Variants in RNF2 observed in about 807,000 individuals in gnomAD.
RNF2 encodes ring finger protein 2, also known as E3 ubiquitin-protein ligase RING2.
Under a neutral mutation model 37.2 loss-of-function variants are expected in RNF2, and 6 were observed. The observed-to-expected ratio is 0.16, with a 90% confidence interval of 0.09 to 0.32. The LOEUF is 0.32. Among genes scored for constraint, RNF2 ranks in the 10% least tolerant of loss-of-function variants. The pLI, the probability that RNF2 is intolerant of heterozygous loss-of-function variation, is 1.00. For missense variants in RNF2, 251 were observed against 404.0 expected, an observed-to-expected ratio of 0.62 and a Z score of 3.25; for synonymous variants, 133 against 132.7, an observed-to-expected ratio of 1.00 and a Z score of -0.02.
chr1:185,062,700 A>T (rs1650646422), intron 1 of RNF2, among the ~76,000 whole-genome samples: 1 of 152,168 alleles, frequency 6.6e-6, no homozygotes. Flanking sequence ...AAACTGGGGA[A>T]AATTAACACT....
chr1:185,054,849 C>T (rs1386471156), intron 1 of RNF2, among the ~76,000 whole-genome samples: 1 of 152,100 alleles, frequency 6.6e-6, no homozygotes, highest in African/African-American at 2.4e-5. Flanking sequence ...AGGCGGGCGC[C>T]GCCACGCCCG....
chr1:185,060,279 C>T (rs1373935782), intron 1 of RNF2, among the ~76,000 whole-genome samples: 1 of 152,136 alleles, frequency 6.6e-6, no homozygotes, highest in Non-Finnish European at 1.5e-5. Flanking sequence ...ATACAGATAA[C>T]TGATCTGTAT....
chr1:185,095,533 C>G (rs542611575), intron 4 of RNF2, among the ~76,000 whole-genome samples: 30 of 152,286 alleles, frequency 2.0e-4, no homozygotes, highest in Non-Finnish European at 3.8e-4. Flanking sequence ...ACGTATCACT[C>G]TCTCATGTGT....
chr1:185,047,329 A>G (rs1171924622), intron 1 of RNF2, among the ~76,000 whole-genome samples: 3 of 152,262 alleles, frequency 2.0e-5, no homozygotes, highest in African/African-American at 4.8e-5. Flanking sequence ...AATCACTAAC[A>G]TAATGTAGAC....
chr1:185,093,871 T>G (rs2102202783), intron 4 of RNF2, among the ~76,000 whole-genome samples: 1 of 152,334 alleles, frequency 6.6e-6, no homozygotes, highest in East Asian at 1.9e-4. Context: ...GTTTCTCTTT[T>G]CAATACAAAA....
chr1:185,067,836 G>C (rs1014158882), intron 1 of RNF2, among the ~76,000 whole-genome samples: 4 of 149,572 alleles, frequency 2.7e-5, no homozygotes, highest in African/African-American at 7.4e-5. Context: ...TCAGCCTCTC[G>C]AGTAGCTGGG....
intron 1 of RNF2, among the ~76,000 whole-genome samples, chr1:185,052,803 C>G (rs994324773): frequency 2.6e-5 from 4 of 152,150 alleles, no homozygotes; most frequent in Non-Finnish European, 4.4e-5. Context: ...GGGCAAATAT[C>G]AGCTGGGGAT....
intron 1 of RNF2, among the ~76,000 whole-genome samples, chr1:185,057,795 C>T (rs1429966141): frequency 6.8e-6 from 1 of 146,088 alleles, no homozygotes; most frequent in East Asian, 2.1e-4. Flanking sequence ...TGGAAAATTA[C>T]TCTAAAGGGG....
At chr1:185,084,988 T>G (rs1392952444) in intron 1 of RNF2, among the ~76,000 whole-genome samples, 2 of 152,142 alleles carry the variant, frequency 1.3e-5, no homozygotes, top group African/African-American at 2.4e-5. Flanking sequence ...GCCCACATCG[T>G]CTGCTGGACC....
At chr1:185,082,481 C>G (rs1458168610) in intron 1 of RNF2, among the ~76,000 whole-genome samples, 1 of 151,700 alleles carries the variant, frequency 6.6e-6, no homozygotes, top group East Asian at 1.9e-4. Flanking sequence ...CCCCCAGTAG[C>G]TGGGATTACA....
intron 1 of RNF2, among the ~76,000 whole-genome samples, chr1:185,051,618 A>G (rs372003275): frequency 1.1e-4 from 16 of 152,020 alleles, no homozygotes; most frequent in African/African-American, 2.9e-4. Flanking sequence ...TTGAGTTTCT[A>G]TATTTAAAAA....
At chr1:185,068,795 A>G (rs771788985) in intron 1 of RNF2, among the ~76,000 whole-genome samples, 3 of 152,244 alleles carry the variant, frequency 2.0e-5, no homozygotes, top group Non-Finnish European at 4.4e-5. Context: ...GGACATTTCT[A>G]AGTAACTCAG....
intron 1 of RNF2, among the ~76,000 whole-genome samples, chr1:185,082,635 G>A (rs1022545815): frequency 3.9e-5 from 6 of 151,960 alleles, no homozygotes; most frequent in Admixed American, 2.0e-4. Context: ...GGTTACAGGC[G>A]TGAGCCACCG....
chr1:185,067,870 C>A (rs1057394241), intron 1 of RNF2, among the ~76,000 whole-genome samples: 1 of 150,084 alleles, frequency 6.7e-6, no homozygotes. Context: ...GCCACCACGC[C>A]CAGCTAATTT....
At chr1:185,071,104 A>C (rs1410027878) in intron 1 of RNF2, among the ~76,000 whole-genome samples, 2 of 152,196 alleles carry the variant, frequency 1.3e-5, no homozygotes, top group African/African-American at 2.4e-5. Context: ...GTAGGCAGTG[A>C]GGCAAATGGT....
intron 1 of RNF2, among the ~76,000 whole-genome samples, chr1:185,064,568 T>A (rs1318564195): frequency 6.6e-6 from 1 of 152,256 alleles, no homozygotes; most frequent in African/African-American, 2.4e-5. Context: ...GAAAACACTT[T>A]AAGCTTATAT....
In RNF2 at chr1:185,077,274, G is replaced by A. The variant is rs1421898672; in HGVS notation, c.-2-10278G>A. On this transcript the variant is annotated intron_variant, in intron 1 of 6. Coordinates refer to ENST00000367510, the MANE Select transcript of RNF2 (RefSeq NM_007212.4). ...TACTTTGATCACTTCCTTTTCCCATGTTCCTCTCCCCATCCTCCTCCCCCC... is the reference window on the plus strand; with the variant it reads ...TACTTTGATCACTTCCTTTTCCCATATTCCTCTCCCCATCCTCCTCCCCCC... 2.6e-5 allele frequency among the ~76,000 whole-genome samples: 4 copies of A among 151,516 alleles called. No individual in the cohort carries two copies. In the East Asian group the frequency reaches 7.7e-4, roughly 29 times the overall value.
At chr1:185,092,905 G>C (rs982676266) in intron 3 of RNF2, among the ~76,000 whole-genome samples, 156 bp from the exon 4 acceptor site, 16 of 152,266 alleles carry the variant, frequency 1.1e-4, no homozygotes, top group Admixed American at 3.3e-4. Flanking sequence ...CCACTAGTCA[G>C]ATTTTCAAGG....
chr1:185,089,855 C>A (rs972222917), intron 2 of RNF2, among the ~76,000 whole-genome samples: 1 of 151,642 alleles, frequency 6.6e-6, no homozygotes, highest in East Asian at 2.0e-4. Context: ...CATGGTGAAA[C>A]CCTGTCTCTA....
Sources: gnomAD v4.1 joint callset for allele counts (sites outside exome capture counted in the v4.1 genomes callset) on GRCh38, gnomAD v4.1.1 for gene constraint, MANE v1.5 for transcripts, NCBI Gene and HGNC (gene_info 2026-07-23, HGNC 2026-07-21) for gene names.